The following TMEM132D variants were observed in gnomAD, a reference collection of about 807,000 sequenced individuals.
TMEM132D encodes mature OL transmembrane protein.
Under a neutral mutation model 62.3 loss-of-function variants are expected in TMEM132D, and 21 were observed. That is an observed-to-expected ratio of 0.34 (90% CI 0.24 to 0.49). The LOEUF is 0.49. Among genes scored for constraint, TMEM132D ranks in the 20% least tolerant of loss-of-function variants. The pLI, the probability that TMEM132D is intolerant of heterozygous loss-of-function variation, is 0.99. For missense variants in TMEM132D, 1,346 were observed against 1,402.8 expected (o/e 0.96, Z 0.65); for synonymous variants, 621 against 575.6 (o/e 1.08, Z -1.13).
intron 5 of TMEM132D, among the ~76,000 whole-genome samples, chr12:129,208,449 C>T (rs76520501): frequency 1.5e-3 from 221 of 152,280 alleles, no homozygotes; most frequent in African/African-American, 4.9e-3. Context: ...TCTCTGAAAC[C>T]CATAAGGATG....
At chr12:129,583,321 T>C (rs1046110259) in intron 2 of TMEM132D, among the ~76,000 whole-genome samples, 8 of 152,146 alleles carry the variant, frequency 5.3e-5, no homozygotes, top group African/African-American at 1.9e-4. Flanking sequence ...TGGCTGCCTG[T>C]GGTCTAGTGG....
At chr12:129,725,717 G>A (rs73158866) in intron 1 of TMEM132D, among the ~76,000 whole-genome samples, 1,566 of 152,316 alleles carry the variant, frequency 0.01, 19 homozygotes, top group Non-Finnish European at 0.017. Context: ...AAGAGAAATG[G>A]AGAACCACTA....
chr12:129,413,358 T>C (rs1482116091), intron 3 of TMEM132D, among the ~76,000 whole-genome samples: 1 of 152,218 alleles, frequency 6.6e-6, no homozygotes, highest in Non-Finnish European at 1.5e-5. Flanking sequence ...ACGTAAGACA[T>C]GCCTTTTGCC....
intron 3 of TMEM132D, among the ~76,000 whole-genome samples, chr12:129,437,467 G>T (rs1049878325): frequency 6.6e-6 from 1 of 152,170 alleles, no homozygotes; most frequent in Admixed American, 6.5e-5. Flanking sequence ...GAATGAACGG[G>T]CATGGCCAGT....
intron 4 of TMEM132D, among the ~76,000 whole-genome samples, chr12:129,296,336 A>G (rs1023328572): frequency 2.0e-5 from 3 of 152,184 alleles, no homozygotes; most frequent in Non-Finnish European, 4.4e-5. Context: ...ATGGTTTGCA[A>G]AAGGCAAAAT....
chr12:129,258,679 T>G (rs1191689678), intron 4 of TMEM132D, among the ~76,000 whole-genome samples: 5 of 152,218 alleles, frequency 3.3e-5, no homozygotes, highest in African/African-American at 1.2e-4. Flanking sequence ...AGTCTTTTGT[T>G]CATTCTTTCA....
intron 5 of TMEM132D, among the ~76,000 whole-genome samples, chr12:129,164,136 A>C (rs1309881315): frequency 6.6e-6 from 1 of 152,182 alleles, no homozygotes; most frequent in Non-Finnish European, 1.5e-5. Context: ...AACAGCCTGG[A>C]CTGAAAAAAA....
At chr12:129,676,371 T>C (rs950083898) in intron 2 of TMEM132D, among the ~76,000 whole-genome samples, 1 of 152,226 alleles carries the variant, frequency 6.6e-6, no homozygotes, top group Admixed American at 6.5e-5. Context: ...TAATTTAATC[T>C]ATCATCTATC....
At chr12:129,360,962 G>T (rs1310635612) in intron 3 of TMEM132D, among the ~76,000 whole-genome samples, 1 of 152,190 alleles carries the variant, frequency 6.6e-6, no homozygotes, top group Non-Finnish European at 1.5e-5. Context: ...GTCAATCTGT[G>T]AATGGGAGCG....
chr12:129,356,295 T>G lies in TMEM132D; in HGVS notation c.1116-18478A>C, dbSNP rs2135671156. ...CCTCAGCCTCCCAAGTAGCTGGGAC[T>G]ACAGGCGCCCGCCACTACGCCCGGC... On this transcript the variant is annotated intron_variant, in intron 3 of 8. Transcript: ENST00000422113. Among the ~76,000 whole-genome samples, 2 of 69,218 alleles carry G rather than the reference T, an allele frequency of 2.9e-5. 1 individual carries two copies. The highest frequency in any genetic ancestry group is 5.9e-5 in the Non-Finnish European group (2 of 33,910). 45.4% of individuals were successfully genotyped at this position (69,218 alleles called of 152,430 possible).
In TMEM132D at chr12:129,130,491, C is replaced by T. The variant is rs550359090; in HGVS notation, c.1444-45789G>A. Among the ~76,000 whole-genome samples the T allele has an allele frequency of 3.9e-5, 6 of 152,292 alleles. No homozygotes were observed. The East Asian group carries it at 1.2e-3, about 29-fold the overall frequency. ...GAATGCCCTAGTGCTAACCACCGTC[C>T]GCGGTCTGCTGCCTGAGAGGACCCA... On this transcript the variant is annotated intron_variant, in intron 5 of 8. Transcript: ENST00000422113.
At chr12:129,363,094 C>A (rs577329247) in intron 3 of TMEM132D, among the ~76,000 whole-genome samples, 1 of 152,186 alleles carries the variant, frequency 6.6e-6, no homozygotes, top group Non-Finnish European at 1.5e-5. Flanking sequence ...AAAACACATT[C>A]GGAACAATTT....
chr12:129,734,709 T>C (rs936907443), intron 1 of TMEM132D, among the ~76,000 whole-genome samples: 4 of 152,194 alleles, frequency 2.6e-5, no homozygotes, highest in Admixed American at 1.3e-4. Flanking sequence ...AATTAATAAA[T>C]TAATTCCAGT....
intron 1 of TMEM132D, among the ~76,000 whole-genome samples, chr12:129,871,625 T>G (rs954514722): frequency 2.6e-5 from 4 of 152,174 alleles, no homozygotes; most frequent in African/African-American, 9.7e-5. Flanking sequence ...GGTTCTATTC[T>G]GTGGTATCCT....
At chr12:129,269,897 T>C (rs11609390) in intron 4 of TMEM132D, among the ~76,000 whole-genome samples, 14,015 of 152,126 alleles carry the variant, frequency 0.092, 811 homozygotes, top group Admixed American at 0.18. Context: ...TGCCACTTAA[T>C]GATGGATAGC....
At chr12:129,540,425 G>C (rs762590049) in intron 2 of TMEM132D, among the ~76,000 whole-genome samples, 1 of 152,086 alleles carries the variant, frequency 6.6e-6, no homozygotes, top group Non-Finnish European at 1.5e-5. Context: ...TGAGTAATTC[G>C]AGGAGAGTAA....
chr12:129,176,339 A>C (rs1877905571), intron 5 of TMEM132D, among the ~76,000 whole-genome samples: 1 of 152,212 alleles, frequency 6.6e-6, no homozygotes, highest in Non-Finnish European at 1.5e-5. Flanking sequence ...CAACAAATTT[A>C]CATACAGTGT....
Position 129,662,810 on chromosome 12 carries a change from A to AGAGAGAG in TMEM132D, c.968+36999_968+37000insCTCTCTC, listed in dbSNP as rs1555224282. 1.2e-3 allele frequency among the ~76,000 whole-genome samples: 19 copies of AGAGAGAG among 16,414 alleles called. No individual in the cohort carries two copies. The South Asian group carries it at 0.047, about 40-fold the overall frequency. 10.8% of individuals were successfully genotyped at this position (16,414 alleles called of 152,430 possible). A position where few individuals can be genotyped will look rare whatever the true frequency, so the allele number is the denominator to read the frequency against. On this transcript the variant is annotated intron_variant, in intron 2 of 8. Transcript: ENST00000422113. ...CCATCTCAAAAAAAAAAAAAAAAAAAAAAGAGAGAGAGAGAAAGAAATATG... is the reference window on the plus strand; with the variant it reads ...CCATCTCAAAAAAAAAAAAAAAAAAAGAGAGAGAAAGAGAGAGAGAGAAAGAAATATG...
intron 2 of TMEM132D, among the ~76,000 whole-genome samples, chr12:129,679,162 T>C (rs1241298160): frequency 6.6e-6 from 1 of 152,020 alleles, no homozygotes; most frequent in Non-Finnish European, 1.5e-5. Flanking sequence ...TGGAGTTACA[T>C]TGGCTCTATG....
Sources: gnomAD v4.1 joint callset for allele counts (sites outside exome capture counted in the v4.1 genomes callset) on GRCh38, gnomAD v4.1.1 for gene constraint, MANE v1.5 for transcripts, NCBI Gene and HGNC (gene_info 2026-07-23, HGNC 2026-07-21) for gene names.